CC2D2B: variants seen among roughly 807,000 people sequenced by gnomAD.
The protein encoded by CC2D2B is protein CC2D2B.
In CC2D2B, 128 loss-of-function variants were observed where a neutral mutation model predicts 161.2. That is an observed-to-expected ratio of 0.79 (90% CI 0.69 to 0.92). The LOEUF (loss-of-function observed/expected upper bound fraction) is 0.92, where lower values mean the gene tolerates loss of function less well. Among genes scored for constraint, CC2D2B ranks in the 40% least tolerant of loss-of-function variants. The pLI, the probability that CC2D2B is intolerant of heterozygous loss-of-function variation, is 0.00. For missense variants in CC2D2B, 1,173 were observed against 1,375.1 expected (o/e 0.85, Z 2.32); for synonymous variants, 391 against 449.8 (o/e 0.87, Z 1.65).
chr10:95,959,300 G>C (rs2076683893), intron 11 of CC2D2B, among the ~76,000 whole-genome samples: 1 of 152,084 alleles, frequency 6.6e-6, no homozygotes, highest in Non-Finnish European at 1.5e-5. Context: ...ACCTTCACCT[G>C]GGAGTTTGTT....
chr10:95,932,090 A>T (rs1381630068), intron 6 of CC2D2B, among the ~76,000 whole-genome samples: 1 of 152,142 alleles, frequency 6.6e-6, no homozygotes, highest in Non-Finnish European at 1.5e-5. Flanking sequence ...TATATTTAGG[A>T]TAGTTAGCTC....
chr10:96,012,162 A>G, intron 26 of CC2D2B, 23 bp from the exon 27 acceptor site: 3 of 648,406 alleles, frequency 4.6e-6, no homozygotes, highest in Middle Eastern at 2.9e-4. Context: ...TGCATAATCC[A>G]TTATACTGAT....
intron 3 of CC2D2B, 127 bp downstream of exon 3, chr10:95,922,203 T>C (rs929996949): frequency 2.1e-6 from 1 of 480,392 alleles, no homozygotes; most frequent in African/African-American, 2.0e-5. Context: ...TAAAGAGAAA[T>C]TAAACTTCCT....
chr10:95,935,903 G>A (rs569046133), intron 6 of CC2D2B, among the ~76,000 whole-genome samples: 2 of 152,194 alleles, frequency 1.3e-5, no homozygotes, highest in African/African-American at 4.8e-5. Flanking sequence ...GTATATTTCT[G>A]TGTCTATTTG....
At chr10:95,983,378 G>A (rs2077601903) in intron 18 of CC2D2B, among the ~76,000 whole-genome samples, 1 of 152,168 alleles carries the variant, frequency 6.6e-6, no homozygotes, top group Non-Finnish European at 1.5e-5. Context: ...AGTGTTCAGT[G>A]CGAATATTTT....
chr10:95,943,545 T>C (rs2076094174), intron 9 of CC2D2B, among the ~76,000 whole-genome samples: 1 of 152,214 alleles, frequency 6.6e-6, no homozygotes, highest in Non-Finnish European at 1.5e-5. Flanking sequence ...TAATTTTACA[T>C]ATTTTCAATA....
chr10:95,930,858 T>C (rs2141224008), intron 6 of CC2D2B, among the ~76,000 whole-genome samples: 1 of 152,312 alleles, frequency 6.6e-6, no homozygotes, highest in Admixed American at 6.5e-5. Context: ...TTTTTTGTTG[T>C]GTCCCTGACA....
chr10:96,013,750 A>G (rs2079084774), intron 28 of CC2D2B, 38 bp from the exon 29 acceptor site: 1 of 1,272,722 alleles, frequency 7.9e-7, no homozygotes, highest in African/African-American at 1.5e-5. Flanking sequence ...AGTGATGGAC[A>G]TACAGCACAC....
chr10:95,942,468 A>G (rs1228603625), intron 9 of CC2D2B, among the ~76,000 whole-genome samples: 6 of 152,178 alleles, frequency 3.9e-5, no homozygotes, highest in African/African-American at 1.2e-4. Context: ...TTTCTGCCAT[A>G]TTTTATCTCC....
Position 95,965,968 on chromosome 10 carries a change from A to G in CC2D2B, c.1323A>G (p.Gly441=). 1 of 1,215,082 alleles carries G rather than the reference A, an allele frequency of 8.2e-7. No individual in the cohort carries two copies. Among genetic ancestry groups the G allele is most frequent in the Non-Finnish European group, 1.0e-6 (1 of 972,676 alleles). The allele number at this position is 1,215,082 out of a possible 1,614,324, so 75.3% of individuals were successfully genotyped here. The change falls in exon 13 of 35, where the codon GGA becomes GGG. Residue 441 remains glycine, a synonymous_variant. Transcript: ENST00000646931. ...CTGAAACTGAGAAGAAAAATGAAGGAAAAGAACTTAAGAATGGGAAAAAAC... is the reference window on the plus strand; with the variant it reads ...CTGAAACTGAGAAGAAAAATGAAGGGAAAGAACTTAAGAATGGGAAAAAAC... ...EMSETEKKNE[G]KELKNGKKLE... is the part of the protein sequence containing the mutation.
chr10:95,921,600 AAG>A (rs1482089286), intron 2 of CC2D2B: 2 of 152,400 alleles, frequency 1.3e-5, no homozygotes, highest in African/African-American at 4.8e-5. Flanking sequence ...TTTACCTCCT[AAG>A]AGAGAGTAAT....
intron 33 of CC2D2B, among the ~76,000 whole-genome samples, chr10:96,026,227 C>T (rs1268259369): frequency 6.6e-6 from 1 of 152,170 alleles, no homozygotes; most frequent in African/African-American, 2.4e-5. Flanking sequence ...ATCAATGCCA[C>T]ACAATCATCC....
chr10:96,026,405 C>T (rs1001244970), intron 33 of CC2D2B, among the ~76,000 whole-genome samples: 22 of 152,246 alleles, frequency 1.4e-4, no homozygotes, highest in African/African-American at 4.8e-4. Flanking sequence ...AAGCTGATCA[C>T]CAAACTTACC....
In CC2D2B at chr10:95,981,996, A is replaced by T; in HGVS notation, c.1965A>T (p.Ala655=). 4 of 1,230,436 alleles carry T rather than the reference A, an allele frequency of 3.3e-6. No individual in the cohort carries two copies. The highest frequency in any genetic ancestry group is 4.1e-6 in the Non-Finnish European group (4 of 986,508). 76.2% of individuals were successfully genotyped at this position (1,230,436 alleles called of 1,614,324 possible). A position where few individuals can be genotyped will look rare whatever the true frequency, so the allele number is the denominator to read the frequency against. ...SYCSMLRNVD[A]RSVPGIPWLM... ...TTAGTATGTTAAGGAATGTAGATGCAAGAAGTGTTCCTGGAATTCCATGGC... is the reference window on the plus strand; with the variant it reads ...TTAGTATGTTAAGGAATGTAGATGCTAGAAGTGTTCCTGGAATTCCATGGC... The change falls in exon 18 of 35, where the codon GCA becomes GCT. Residue 655 remains alanine (A), a synonymous_variant. Coordinates refer to ENST00000646931, the MANE Select transcript of CC2D2B (RefSeq NM_001349008.3).
Position 95,965,941 on chromosome 10 carries a change from G to C in CC2D2B, c.1296G>C (p.Met432Ile), listed in dbSNP as rs1312023412. 1 of 1,218,598 alleles carries C rather than the reference G, an allele frequency of 8.2e-7. No individual in the cohort carries two copies. Among genetic ancestry groups the C allele is most frequent in the East Asian group, 3.2e-5 (1 of 31,482 alleles). 75.5% of individuals were successfully genotyped at this position (1,218,598 alleles called of 1,614,324 possible). The change falls in exon 13 of 35, where the codon ATG (methionine) becomes ATC (isoleucine). Residue 432 changes from methionine to isoleucine, a missense_variant. By Grantham distance (10) the Met-to-Ile change is conservative. Transcript: ENST00000646931. Reference sequence around the variant, plus strand: ...ATGAACAAGAGCAAATCTCAGAAATGTCTGAAACTGAGAAGAAAAATGAAG... The same window carrying C: ...ATGAACAAGAGCAAATCTCAGAAATCTCTGAAACTGAGAAGAAAAATGAAG... Reference protein sequence around the residue: ...KCDEQEQISEMSETEKKNEGK... With the variant: ...KCDEQEQISEISETEKKNEGK...
rs753866384 is a variant in CC2D2B, at chr10:95,947,113, A to AT, written c.802-2766dup. Among the ~76,000 whole-genome samples the AT allele has an allele frequency of 6.8e-3, 330 of 48,390 alleles. 23 individuals are homozygous for AT. Among genetic ancestry groups the AT allele is most frequent in the Middle Eastern group, 0.017 (1 of 58 alleles). 31.7% of individuals were successfully genotyped at this position (48,390 alleles called of 152,430 possible). On this transcript the variant is annotated intron_variant, in intron 9 of 34. Coordinates refer to ENST00000646931, the MANE Select transcript of CC2D2B (RefSeq NM_001349008.3). ...TATATATATATATATATATATATAT[A>AT]TTTTTTTTTTTTTTTTTGAGACAAA...
chr10:95,976,358 C>T (rs774441066), intron 17 of CC2D2B, among the ~76,000 whole-genome samples: 1 of 152,174 alleles, frequency 6.6e-6, no homozygotes, highest in African/African-American at 2.4e-5. Context: ...CGTTGTCTTA[C>T]AATTCCTATT....
In CC2D2B at chr10:96,012,628, A is replaced by T. The variant is rs766481622; in HGVS notation, c.3325A>T (p.Asn1109Tyr). 6.2e-7 allele frequency: 1 copy of T among 1,611,270 alleles called. No homozygotes were observed. Among genetic ancestry groups the T allele is most frequent in the Non-Finnish European group, 8.5e-7 (1 of 1,177,486 alleles). ...CCGAAGAATCGTAACTACTGTTTTT[A>T]ATGATGAAGGGATACAGTTCTTAGT... ...PNRRIVTTVF[N>Y]DEGIQFLVTR... Residue 1109 changes from asparagine (N) to tyrosine (Y), a missense_variant, in exon 28 of 35, where the codon AAT becomes TAT. Physicochemically the swap from Asn to Tyr is moderately radical, Grantham distance 143. Around this residue, in one of 3 missense-constraint regions of CC2D2B, gnomAD observed 598 missense variants for 693.2 expected, o/e 0.86. Coordinates refer to ENST00000646931, the MANE Select transcript of CC2D2B (RefSeq NM_001349008.3).
chr10:96,019,525 T>C lies in CC2D2B; in HGVS notation c.3766-177T>C, dbSNP rs138261083. 6.6e-3 allele frequency: 5,280 copies of C among 796,984 alleles called. 48 individuals are homozygous for C. The highest frequency in any genetic ancestry group is 0.015 in the Middle Eastern group (38 of 2,564). 49.4% of individuals were successfully genotyped at this position (796,984 alleles called of 1,614,324 possible). On this transcript the variant is annotated intron_variant, in intron 31 of 34. Coordinates refer to ENST00000646931, the MANE Select transcript of CC2D2B (RefSeq NM_001349008.3). ...GTAGTGCCTTCAAGGATGAGAACCG[T>C]TGAGGTAGTCTAATGATCATGAAAC...
Sources: gnomAD v4.1 joint callset for allele counts (sites outside exome capture counted in the v4.1 genomes callset) on GRCh38, gnomAD v4.1.1 for gene constraint, gnomAD v4.1.1 regional missense constraint, MANE v1.5 for transcripts, NCBI Gene and HGNC (gene_info 2026-07-23, HGNC 2026-07-21) for gene names.